The following ITGA1 variants were observed in gnomAD, a reference collection of about 807,000 sequenced individuals.
ITGA1 encodes integrin subunit alpha 1.
Under a neutral mutation model 145.9 loss-of-function variants are expected in ITGA1, and 85 were observed. The observed-to-expected ratio is 0.58, with a 90% CI of 0.49 to 0.70. The LOEUF is 0.70. ITGA1 is among the 30% of genes least tolerant of loss of function. The probability of loss-of-function intolerance (pLI) is 0.00; values close to 1 mark genes in which losing one functional copy is unlikely to be tolerated. For synonymous variants in ITGA1, 520 were observed against 495.3 expected, an observed-to-expected ratio of 1.05 and a Z score of -0.66; for missense variants, 1,351 against 1,418.7, an observed-to-expected ratio of 0.95 and a Z score of 0.77.
intron 6 of ITGA1, among the ~76,000 whole-genome samples, chr5:52,877,148 C>T (rs1052419488): frequency 1.3e-5 from 2 of 152,030 alleles, no homozygotes; most frequent in Non-Finnish European, 2.9e-5. Flanking sequence ...AAGTATATTT[C>T]GAAGTCATTG....
intron 9 of ITGA1, 120 bp downstream of exon 9, chr5:52,893,960 A>G (rs1277017563): frequency 2.9e-6 from 2 of 687,034 alleles, no homozygotes; most frequent in South Asian, 2.0e-5. Context: ...ACTGTGTACA[A>G]TATCTAGCAT....
At chr5:52,852,792 C>T (rs1432978281) in intron 2 of ITGA1, among the ~76,000 whole-genome samples, 2 of 152,056 alleles carry the variant, frequency 1.3e-5, no homozygotes, top group African/African-American at 4.8e-5. Flanking sequence ...AGGCCTTATA[C>T]ATAATATGCA....
rs182437749 is a variant in ITGA1, at chr5:52,809,783, G to C, written c.61+21369G>C. Among the ~76,000 whole-genome samples the C allele has an allele frequency of 1.4e-3, 213 of 152,222 alleles. 1 individual carries two copies. Among genetic ancestry groups the C allele is most frequent in the African/African-American group, 4.1e-3 (169 of 41,544 alleles). On this transcript the variant is annotated intron_variant, in intron 1 of 28. Coordinates refer to ENST00000282588, the MANE Select transcript of ITGA1 (RefSeq NM_181501.2). ...GTCCTCCCCAAGTGGGATTACAGGC[G>C]TGAGTCACTGCACCTGGCCTCAACT... is the stretch of plus-strand genomic sequence containing the variant.
At chr5:52,895,331 G>A (rs1750208655) in intron 9 of ITGA1, among the ~76,000 whole-genome samples, 1 of 152,076 alleles carries the variant, frequency 6.6e-6, no homozygotes, top group African/African-American at 2.4e-5. Flanking sequence ...CAGCTGTCTT[G>A]TGCTCTGTGT....
intron 6 of ITGA1, among the ~76,000 whole-genome samples, chr5:52,875,886 G>T (rs370272467): frequency 7.9e-4 from 117 of 148,892 alleles, no homozygotes; most frequent in African/African-American, 2.6e-3. Context: ...AGGATTACTG[G>T]TTTTTTTTTT....
chr5:52,916,198 T>A (rs921051910), intron 15 of ITGA1, among the ~76,000 whole-genome samples: 3 of 152,168 alleles, frequency 2.0e-5, no homozygotes, highest in African/African-American at 7.2e-5. Context: ...TCTCAAAAAC[T>A]AAATATCCTA....
intron 12 of ITGA1, among the ~76,000 whole-genome samples, chr5:52,908,564 T>A (rs1750446647): frequency 6.6e-6 from 1 of 152,242 alleles, no homozygotes. Context: ...TATCTAATTT[T>A]ATTTCCTTAA....
Position 52,937,393 on chromosome 5 carries a change from T to C in ITGA1, c.2965-8T>C. 1 of 1,557,788 alleles carries C rather than the reference T, an allele frequency of 6.4e-7. No individual in the cohort carries two copies. The highest frequency in any genetic ancestry group is 1.4e-5 in the African/African-American group (1 of 73,946). ...AAGAAAGATTACATTTCCATTTTTT[T>C]CTTGTAGATTAGAAAAAGTGGATCT... is the stretch of plus-strand genomic sequence containing the variant. On this transcript the variant is annotated splice_polypyrimidine_tract_variant and splice_region_variant and intron_variant, in intron 23 of 28. Transcript: ENST00000282588.
At chr5:52,868,247 AAATT>A (rs1486828931) in intron 6 of ITGA1, among the ~76,000 whole-genome samples, 1 of 152,162 alleles carries the variant, frequency 6.6e-6, no homozygotes, top group African/African-American at 2.4e-5. Flanking sequence ...TTACTCTTAA[AAATT>A]AATTTATTTG....
intron 6 of ITGA1, among the ~76,000 whole-genome samples, chr5:52,869,325 T>C (rs1265248429): frequency 6.6e-6 from 1 of 152,112 alleles, no homozygotes; most frequent in East Asian, 1.9e-4. Flanking sequence ...CATGCCCAAC[T>C]AATTTTTGTA....
At chr5:52,937,881 C>T (rs901395553) in intron 24 of ITGA1, among the ~76,000 whole-genome samples, 1 of 152,084 alleles carries the variant, frequency 6.6e-6, no homozygotes, top group Non-Finnish European at 1.5e-5. Context: ...TGGCTTGCGG[C>T]AGCATAGCTC....
chr5:52,868,042 A>C (rs1749715841), intron 6 of ITGA1, among the ~76,000 whole-genome samples: 1 of 151,902 alleles, frequency 6.6e-6, no homozygotes, highest in Admixed American at 6.6e-5. Context: ...CCTTAAATGA[A>C]ATGGCTTGTG....
At chr5:52,888,021 G>A (rs1750082283) in intron 8 of ITGA1, 56 bp downstream of exon 8, 2 of 1,513,426 alleles carry the variant, frequency 1.3e-6, no homozygotes, top group Non-Finnish European at 1.8e-6. Context: ...AGAGCTGTGT[G>A]CATATTGGGT....
chr5:52,946,918 GAAATA>G (rs1382165065), intron 27 of ITGA1, among the ~76,000 whole-genome samples: 3 of 152,104 alleles, frequency 2.0e-5, no homozygotes, highest in Non-Finnish European at 4.4e-5. Context: ...ATGCACACTA[GAAATA>G]AAATAAGGAG....
At chr5:52,926,373 C>T (rs767926751) in intron 19 of ITGA1, among the ~76,000 whole-genome samples, 13 of 151,994 alleles carry the variant, frequency 8.6e-5, no homozygotes, top group East Asian at 1.9e-4. Context: ...GAGACCGAGG[C>T]GGGCAAATCA....
rs187098580 is a variant in ITGA1 at position 52,894,063 on chromosome 5, G to A, written c.1090+223G>A. 2.0e-3 allele frequency among the ~76,000 whole-genome samples: 300 copies of A among 152,104 alleles called. 2 individuals carry two copies. Among genetic ancestry groups the A allele is most frequent in the Middle Eastern group, 3.4e-3 (1 of 292 alleles). Reference sequence around the variant, plus strand: ...AGACTCTCTTTGTAAGGGCATGGTAGGGCAGTGCTGATGGGACAGCCGATG... The same window carrying A: ...AGACTCTCTTTGTAAGGGCATGGTAAGGCAGTGCTGATGGGACAGCCGATG... On this transcript the variant is annotated intron_variant, in intron 9 of 28. Transcript: ENST00000282588.
rs113908084 is a variant in ITGA1 at position 52,873,095 on chromosome 5, G to T, written c.624+7278G>T. Among the ~76,000 whole-genome samples, 39 of 152,292 alleles carry T rather than the reference G, an allele frequency of 2.6e-4. 1 individual carries two copies. The South Asian group carries it at 5.0e-3, about 19-fold the overall frequency. ...AGCCATTTATGTTGAAAAAATGGGA[G>T]TTTTTGAATTTTCACCTTCTCATGT... is the stretch of plus-strand genomic sequence containing the variant. On this transcript the variant is annotated intron_variant, in intron 6 of 28. Transcript: ENST00000282588.
intron 15 of ITGA1, among the ~76,000 whole-genome samples, chr5:52,917,722 A>T (rs1394470805): frequency 6.6e-6 from 1 of 152,206 alleles, no homozygotes; most frequent in South Asian, 2.1e-4. Flanking sequence ...ACGTGTATGC[A>T]TGTTTTCTTC....
intron 8 of ITGA1, among the ~76,000 whole-genome samples, chr5:52,888,309 A>G (rs1207544099): frequency 6.6e-6 from 1 of 151,928 alleles, no homozygotes; most frequent in Non-Finnish European, 1.5e-5. Context: ...GAAGAGGAGG[A>G]AAGGAAGGGA....
Sources: allele counts gnomAD v4.1 joint callset (sites outside exome capture counted in the v4.1 genomes callset), GRCh38; gene constraint gnomAD v4.1.1; transcripts MANE v1.5; gene names NCBI Gene and HGNC (gene_info 2026-07-23, HGNC 2026-07-21).